Variants in TMEM161A observed in about 807,000 individuals in gnomAD.
TMEM161A encodes the protein transmembrane protein 161A, also known as adaptive response to oxidative stress protein 29.
TMEM161A carries 46 observed loss-of-function variants against 57.1 expected under a neutral mutation model. The ratio of observed to expected loss-of-function variants is 0.81; its 90% CI spans 0.64 to 1.03. The LOEUF (loss-of-function observed/expected upper bound fraction) is 1.03. TMEM161A is among the 50% of genes least tolerant of loss of function. TMEM161A has a pLI of 0.00. For synonymous variants in TMEM161A, 288 were observed against 279.0 expected, an observed-to-expected ratio of 1.03 and a Z score of -0.32; for missense variants, 601 against 621.5, an observed-to-expected ratio of 0.97 and a Z score of 0.35.
At chr19:19,133,442 G>A in intron 2 of TMEM161A, 1 of 502,792 alleles carries the variant, frequency 2.0e-6, no homozygotes, top group Non-Finnish European at 3.5e-6. Flanking sequence ...TAACTCTCCT[G>A]GGGAAGCCAG....
intron 2 of TMEM161A, among the ~76,000 whole-genome samples, chr19:19,134,483 T>A (rs1568539472): frequency 6.6e-6 from 1 of 152,016 alleles, no homozygotes; most frequent in Non-Finnish European, 1.5e-5. Context: ...ACACCTGTAG[T>A]CCCAGCTACT....
In TMEM161A at chr19:19,121,052, G is replaced by C. The variant is rs1395575341; in HGVS notation, c.1029C>G (p.Ala343=). ...HLQAYLCLAK[A]RVEQLRREAG... ...CCTCCCTTCGCAGCTGCTCCACCCG[G>C]GCCTTGGCCAGGCACAGGTAGGCCT... Residue 343 remains alanine, a synonymous_variant, in exon 10 of 12, where the codon GCC becomes GCG. Coordinates refer to ENST00000162044, the MANE Select transcript of TMEM161A (RefSeq NM_017814.3). The surrounding 1 kb of genome is among the most constrained non-coding windows in gnomAD (Gnocchi z 5.8). 1.9e-6 allele frequency: 3 copies of C among 1,611,854 alleles called. No homozygotes were observed. Among genetic ancestry groups the C allele is most frequent in the Non-Finnish European group, 2.5e-6 (3 of 1,179,434 alleles).
rs768770407 is a variant in TMEM161A, at chr19:19,121,744, A to T, written c.656+15T>A. The T allele has an allele frequency of 6.2e-7, 1 of 1,613,828 alleles. No individual in the cohort carries two copies. Among genetic ancestry groups the T allele is most frequent in the Admixed American group, 1.7e-5 (1 of 59,998 alleles). ...CAGCCTGCCCTTGCCTCCCTCCCCC[A>T]TTCCCAGGACTCACGCCCAGTCCCA... On this transcript the variant is annotated intron_variant, in intron 7 of 11. Coordinates refer to ENST00000162044, the MANE Select transcript of TMEM161A (RefSeq NM_017814.3). This position sits in a 1 kb window ranked among gnomAD's most constrained non-coding sequence, Gnocchi z 5.8.
intron 6 of TMEM161A, among the ~76,000 whole-genome samples, chr19:19,129,096 C>T (rs893815798): frequency 5.9e-5 from 9 of 152,082 alleles, no homozygotes; most frequent in Non-Finnish European, 1.2e-4. Context: ...TTCCATGTGA[C>T]GAGGGCTAGG....
intron 2 of TMEM161A, among the ~76,000 whole-genome samples, chr19:19,134,151 A>G (rs1355082314): frequency 6.6e-6 from 1 of 151,912 alleles, no homozygotes; most frequent in Non-Finnish European, 1.5e-5. Context: ...AGACCCACGC[A>G]AGGACAAAAA....
At chr19:19,129,064 G>A (rs1255051720) in intron 6 of TMEM161A, among the ~76,000 whole-genome samples, 1 of 152,166 alleles carries the variant, frequency 6.6e-6, no homozygotes, top group Admixed American at 6.5e-5. Context: ...AGACATGCAT[G>A]TTAAGGCCAC....
At chr19:19,135,250 A>G (rs1359939626) in intron 1 of TMEM161A, among the ~76,000 whole-genome samples, 2 of 151,706 alleles carry the variant, frequency 1.3e-5, no homozygotes, top group African/African-American at 4.8e-5. Context: ...ATTCCTCACC[A>G]CCACCTTCCA....
rs2059905300 is a variant in TMEM161A at position 19,120,759 on chromosome 19, T to C, written c.1186+6A>G. On this transcript the variant is annotated splice_donor_region_variant and intron_variant, in intron 11 of 11. Transcript: ENST00000162044. Reference sequence around the variant, plus strand: ...CCTCCTCCACCCCCACACCGCGGCATCTCACCCAGCGTCTTGAGCAGAAGT... The same window carrying C: ...CCTCCTCCACCCCCACACCGCGGCACCTCACCCAGCGTCTTGAGCAGAAGT... 3 of 1,596,044 alleles carry C rather than the reference T, an allele frequency of 1.9e-6. No individual in the cohort carries two copies. In the Middle Eastern group the frequency reaches 5.1e-4, roughly 271 times the overall value.
intron 6 of TMEM161A, among the ~76,000 whole-genome samples, chr19:19,124,400 G>A (rs1436603985): frequency 6.6e-6 from 1 of 152,088 alleles, no homozygotes; most frequent in Non-Finnish European, 1.5e-5. Flanking sequence ...TGTCCTTCAA[G>A]AAAACAAGGA....
At chr19:19,123,454 C>G (rs959820853) in intron 6 of TMEM161A, among the ~76,000 whole-genome samples, 1 of 152,170 alleles carries the variant, frequency 6.6e-6, no homozygotes, top group Admixed American at 6.6e-5. Flanking sequence ...AACAATTAGG[C>G]TGACAGCCAA....
At position 19,132,566 on chromosome 19, in the gene TMEM161A, A is replaced by G. The variant is rs1464850824; in HGVS notation, c.287-58T>C. The G allele has an allele frequency of 1.1e-5, 18 of 1,583,344 alleles. No individual in the cohort carries two copies. Among genetic ancestry groups the G allele is most frequent in the Middle Eastern group, 3.4e-4 (2 of 5,886 alleles). ...CAGCTCGCTCCCCTCCTAATAGAAC[A>G]TTCTTCCTTCAAATCCTCCCCACCC... On this transcript the variant is annotated intron_variant, in intron 4 of 11. Transcript: ENST00000162044. This position sits in a 1 kb window ranked among gnomAD's most constrained non-coding sequence, Gnocchi z 4.3.
chr19:19,127,620 C>G (rs954964547), intron 6 of TMEM161A, among the ~76,000 whole-genome samples: 1 of 151,986 alleles, frequency 6.6e-6, no homozygotes, highest in African/African-American at 2.4e-5. Flanking sequence ...CCGTGCCTGG[C>G]AGTGTTCAGT....
Position 19,132,435 on chromosome 19 carries a change from T to C in TMEM161A, c.360A>G (p.Thr120=). ...AVYSGGVYLF[T]EAYYYMLGPA... is the part of the protein sequence containing the mutation. ...GTCCCAGCATGTAGTAGTAGGCCTC[T>C]GTGAAGAGGTACACGCCGCCCGAGT... The change falls in exon 5 of 12, where the codon ACA becomes ACG. Residue 120 remains threonine, a synonymous_variant. Coordinates refer to ENST00000162044, the MANE Select transcript of TMEM161A (RefSeq NM_017814.3). This position sits in a 1 kb window ranked among gnomAD's most constrained non-coding sequence, Gnocchi z 4.3. 1.9e-6 allele frequency: 3 copies of C among 1,614,146 alleles called. No individual in the cohort carries two copies. The highest frequency in any genetic ancestry group is 2.5e-6 in the Non-Finnish European group (3 of 1,180,022).
intron 1 of TMEM161A, among the ~76,000 whole-genome samples, chr19:19,137,651 A>G (rs931311361): frequency 1.3e-5 from 2 of 152,054 alleles, no homozygotes; most frequent in Admixed American, 6.5e-5. Context: ...CCCACTTTCA[A>G]TAATTCCGGC....
At chr19:19,130,112 G>C (rs746639918) in intron 6 of TMEM161A, 44 bp downstream of exon 6, 1 of 1,606,454 alleles carries the variant, frequency 6.2e-7, no homozygotes, top group African/African-American at 1.3e-5. Flanking sequence ...GATTACATGA[G>C]GGAGTGACAG....
At chr19:19,128,776 G>C (rs2059943873) in intron 6 of TMEM161A, among the ~76,000 whole-genome samples, 1 of 152,020 alleles carries the variant, frequency 6.6e-6, no homozygotes, top group Non-Finnish European at 1.5e-5. Context: ...GACCTCAGGT[G>C]ATCTGCTTGC....
chr19:19,136,351 C>T (rs908656327), intron 1 of TMEM161A, among the ~76,000 whole-genome samples: 2 of 152,042 alleles, frequency 1.3e-5, no homozygotes, highest in Admixed American at 1.3e-4. Context: ...GGGCCTAGCA[C>T]GGTAATTCAA....
chr19:19,127,316 C>CTTT (rs151128285), intron 6 of TMEM161A, among the ~76,000 whole-genome samples: 1 of 73,278 alleles, frequency 1.4e-5, no homozygotes, highest in Non-Finnish European at 2.6e-5. Context: ...AGTGTTCAGT[C>CTTT]TTTTTTTTTT....
intron 5 of TMEM161A, among the ~76,000 whole-genome samples, chr19:19,131,238 A>T (rs886176763): frequency 2.0e-5 from 3 of 152,032 alleles, no homozygotes; most frequent in Non-Finnish European, 2.9e-5. Flanking sequence ...AAAACAAAAC[A>T]AAAAACAAAA....
Sources: gnomAD v4.1 joint callset for allele counts (sites outside exome capture counted in the v4.1 genomes callset) on GRCh38, gnomAD v4.1.1 for gene constraint, Gnocchi (gnomAD v3.1) non-coding constraint, MANE v1.5 for transcripts, NCBI Gene and HGNC (gene_info 2026-07-23, HGNC 2026-07-21) for gene names.